The following LRRIQ3 variants were observed in gnomAD, a reference collection of about 807,000 sequenced individuals.
The protein encoded by LRRIQ3 is leucine-rich repeat and IQ domain-containing protein 3.
In LRRIQ3, 75 loss-of-function variants were observed where a neutral mutation model predicts 59.3. The ratio of observed to expected loss-of-function variants is 1.26; its 90% CI spans 1.05 to 1.53. LRRIQ3 has a LOEUF of 1.53. Ranked by LOEUF, LRRIQ3 falls within the 40% of genes most tolerant of loss-of-function variation. LRRIQ3 has a pLI of 0.00. For missense variants in LRRIQ3, 831 were observed against 710.0 expected (o/e 1.17, Z -1.94); for synonymous variants, 250 against 231.3 (o/e 1.08, Z -0.73).
intron 5 of LRRIQ3, among the ~76,000 whole-genome samples, chr1:74,105,989 C>A (rs1646607007): frequency 6.6e-6 from 1 of 151,846 alleles, no homozygotes; most frequent in Non-Finnish European, 1.5e-5. Context: ...AGAAGTGGTT[C>A]CGAGTAAGAG....
At chr1:74,056,006 G>T (rs765324478) in intron 6 of LRRIQ3, among the ~76,000 whole-genome samples, 1 of 151,686 alleles carries the variant, frequency 6.6e-6, no homozygotes, top group Non-Finnish European at 1.5e-5. Flanking sequence ...TTAGCCGGGT[G>T]TGGTGGTGGG....
intron 4 of LRRIQ3, among the ~76,000 whole-genome samples, chr1:74,127,306 C>CT (rs1466423001): frequency 6.6e-6 from 1 of 151,832 alleles, no homozygotes; most frequent in Non-Finnish European, 1.5e-5. Flanking sequence ...TTCAGCCACT[C>CT]TATGCTTTTG....
chr1:74,084,063 T>C, intron 5 of LRRIQ3: 1 of 943,398 alleles, frequency 1.1e-6, no homozygotes, highest in Middle Eastern at 2.2e-4. Context: ...ACTTATCTTG[T>C]GTGTACAGCT....
chr1:74,181,767 T>G (rs978723653), intron 3 of LRRIQ3: 1 of 151,830 alleles, frequency 6.6e-6, no homozygotes, highest in African/African-American at 2.4e-5. Context: ...TCTTCCAACT[T>G]TGTAATTTTC....
chr1:74,056,226 A>C (rs1192725883), intron 6 of LRRIQ3, among the ~76,000 whole-genome samples: 1 of 152,048 alleles, frequency 6.6e-6, no homozygotes, highest in Non-Finnish European at 1.5e-5. Context: ...ATACTTCAAC[A>C]CAGTAAAGAC....
At chr1:74,062,109 C>T (rs1654736612) in intron 6 of LRRIQ3, among the ~76,000 whole-genome samples, 1 of 151,996 alleles carries the variant, frequency 6.6e-6, no homozygotes, top group South Asian at 2.1e-4. Context: ...AAATTATCAA[C>T]AAAGTAAACA....
At chr1:74,147,938 A>T (rs970570918) in intron 4 of LRRIQ3, among the ~76,000 whole-genome samples, 4 of 152,128 alleles carry the variant, frequency 2.6e-5, no homozygotes, top group African/African-American at 9.7e-5. Flanking sequence ...TGGTCACTTT[A>T]AATTTCTCAT....
intron 7 of LRRIQ3, among the ~76,000 whole-genome samples, chr1:74,036,105 G>C (rs1469482252): frequency 6.6e-6 from 1 of 152,126 alleles, no homozygotes; most frequent in African/African-American, 2.4e-5. Context: ...TTTAGTTAAG[G>C]CTTCTCTTTG....
At chr1:74,130,610 T>C (rs776810749) in intron 4 of LRRIQ3, among the ~76,000 whole-genome samples, 1 of 152,126 alleles carries the variant, frequency 6.6e-6, no homozygotes, top group Admixed American at 6.6e-5. Context: ...TAAATGTGAT[T>C]TTTTTTGTGC....
At chr1:74,151,024 T>C (rs1647903813) in intron 4 of LRRIQ3, among the ~76,000 whole-genome samples, 1 of 142,404 alleles carries the variant, frequency 7.0e-6, no homozygotes, top group Admixed American at 7.0e-5. Flanking sequence ...TTTTTTTTTT[T>C]TTTTTTTTTT....
chr1:74,089,356 T>C (rs1472001267), intron 5 of LRRIQ3, among the ~76,000 whole-genome samples: 2 of 152,060 alleles, frequency 1.3e-5, no homozygotes, highest in Admixed American at 1.3e-4. Context: ...AATTTGTACA[T>C]GGATGTTTAG....
intron 4 of LRRIQ3, among the ~76,000 whole-genome samples, chr1:74,140,074 C>T (rs1469640903): frequency 1.3e-5 from 2 of 151,612 alleles, no homozygotes; most frequent in African/African-American, 4.8e-5. Context: ...GTATTTAATA[C>T]CCCAAACATC....
chr1:74,055,180 T>TTATATATATATA (rs57279520), intron 6 of LRRIQ3, among the ~76,000 whole-genome samples: 60 of 139,946 alleles, frequency 4.3e-4, no homozygotes, highest in African/African-American at 1.4e-3. Flanking sequence ...CATATACACT[T>TTATATATATATA]TATATATATA....
intron 7 of LRRIQ3, among the ~76,000 whole-genome samples, 168 bp from the exon 8 acceptor site, chr1:74,027,137 C>CATATT (rs112475468): frequency 0.019 from 2,919 of 152,168 alleles, 79 homozygotes; most frequent in African/African-American, 0.067. Context: ...AAACAATACT[C>CATATT]AGACAAGTAT....
intron 4 of LRRIQ3, among the ~76,000 whole-genome samples, chr1:74,121,094 A>G (rs940914396): frequency 2.6e-5 from 4 of 152,160 alleles, no homozygotes; most frequent in African/African-American, 9.6e-5. Context: ...AATAATTTAA[A>G]CAATATTATA....
intron 6 of LRRIQ3, among the ~76,000 whole-genome samples, chr1:74,073,309 C>T (rs1051747960): frequency 1.3e-5 from 2 of 152,024 alleles, no homozygotes; most frequent in African/African-American, 4.8e-5. Context: ...CTCAGGAGTT[C>T]AAGACCAGCC....
chr1:74,052,628 A>C (rs1003206370), intron 6 of LRRIQ3, among the ~76,000 whole-genome samples: 11 of 152,164 alleles, frequency 7.2e-5, no homozygotes, highest in Admixed American at 5.2e-4. Flanking sequence ...CACTCTGGGC[A>C]GAGAGCGGTT....
chr1:74,070,282 A>G (rs911483158), intron 6 of LRRIQ3, among the ~76,000 whole-genome samples: 3 of 152,124 alleles, frequency 2.0e-5, no homozygotes, highest in Non-Finnish European at 1.5e-5. Context: ...CACAAGATGG[A>G]ATACTATGCA....
intron 7 of LRRIQ3, among the ~76,000 whole-genome samples, chr1:74,036,085 A>C (rs1005715186): frequency 2.0e-5 from 3 of 152,192 alleles, no homozygotes; most frequent in Non-Finnish European, 4.4e-5. Flanking sequence ...TAAGTGAAGT[A>C]ACACTCTGGT....
Sources: allele counts gnomAD v4.1 joint callset (sites outside exome capture counted in the v4.1 genomes callset), GRCh38; gene constraint gnomAD v4.1.1; transcripts MANE v1.5; gene names NCBI Gene and HGNC (gene_info 2026-07-23, HGNC 2026-07-21).